MAML3: variants seen among roughly 807,000 people sequenced by gnomAD.
The protein encoded by MAML3 is mastermind like transcriptional coactivator 3.
Under a neutral mutation model 101.9 loss-of-function variants are expected in MAML3, and 27 were observed. The ratio of observed to expected loss-of-function variants is 0.27; its 90% CI spans 0.20 to 0.37. The LOEUF (loss-of-function observed/expected upper bound fraction) is 0.37, where lower values mean the gene tolerates loss of function less well. Among genes scored for constraint, MAML3 ranks in the 10% least tolerant of loss-of-function variants. The pLI is 1.00. For missense variants in MAML3, 1,316 were observed against 1,444.9 expected (o/e 0.91, Z 1.45); for synonymous variants, 501 against 555.9 (o/e 0.90, Z 1.39).
intron 2 of MAML3, among the ~76,000 whole-genome samples, chr4:139,752,526 G>T (rs1255195892): frequency 6.6e-6 from 1 of 152,184 alleles, no homozygotes; most frequent in Non-Finnish European, 1.5e-5. Flanking sequence ...GGGTCAAAAA[G>T]AGGATGGCTG....
chr4:139,993,855 A>G (rs937359735), intron 1 of MAML3, among the ~76,000 whole-genome samples: 1 of 152,162 alleles, frequency 6.6e-6, no homozygotes, highest in Non-Finnish European at 1.5e-5. Flanking sequence ...TAATTTTTAT[A>G]AAGTCCAACT....
intron 1 of MAML3, among the ~76,000 whole-genome samples, chr4:140,053,912 G>C (rs570508713): frequency 6.6e-5 from 10 of 152,280 alleles, no homozygotes; most frequent in Admixed American, 6.5e-4. Flanking sequence ...ACATCAGGCA[G>C]GCTAGGGTTT....
intron 2 of MAML3, among the ~76,000 whole-genome samples, chr4:139,865,501 T>TTTTG (rs1560818447): frequency 1.7e-3 from 230 of 135,696 alleles, no homozygotes; most frequent in African/African-American, 5.5e-3. Flanking sequence ...TTTTTGTTTT[T>TTTTG]TTTTTTTTTC....
chr4:140,027,911 T>C (rs1373878594), intron 1 of MAML3, among the ~76,000 whole-genome samples: 1 of 152,242 alleles, frequency 6.6e-6, no homozygotes, highest in Non-Finnish European at 1.5e-5. Context: ...ATTAAGTTGG[T>C]ATAACATGAA....
At chr4:140,067,260 A>G (rs1227551914) in intron 1 of MAML3, among the ~76,000 whole-genome samples, 1 of 152,032 alleles carries the variant, frequency 6.6e-6, no homozygotes, top group Non-Finnish European at 1.5e-5. Context: ...AATAAGAAAG[A>G]AGAGACATAG....
rs114708048 is a variant in MAML3, at chr4:139,943,337, A to G, written c.469-52370T>C. 8.3e-3 allele frequency among the ~76,000 whole-genome samples: 1,271 copies of G among 152,330 alleles called. 9 individuals are homozygous for G. The highest frequency in any genetic ancestry group is 0.013 in the Non-Finnish European group (862 of 68,042). Reference sequence around the variant, plus strand: ...CACAGTTGTTGGTGCCTGGAGACAGACTTGAGAGGGGTCACAAGTGGCCAG... The same window carrying G: ...CACAGTTGTTGGTGCCTGGAGACAGGCTTGAGAGGGGTCACAAGTGGCCAG... On this transcript the variant is annotated intron_variant, in intron 1 of 4. Transcript: ENST00000509479.
intron 2 of MAML3, among the ~76,000 whole-genome samples, chr4:139,885,850 G>A (rs1364120850): frequency 7.1e-6 from 1 of 140,408 alleles, no homozygotes; most frequent in Non-Finnish European, 1.5e-5. Flanking sequence ...GGAGAATGGC[G>A]TGAACCCGGG....
chr4:140,061,412 A>G (rs1217981472), intron 1 of MAML3, among the ~76,000 whole-genome samples: 2 of 152,216 alleles, frequency 1.3e-5, no homozygotes, highest in African/African-American at 4.8e-5. Flanking sequence ...GAAGACAGCA[A>G]TCTAGCACAG....
chr4:140,050,872 G>GA lies in MAML3; in HGVS notation c.468+101987dup, dbSNP rs1213536225. Among the ~76,000 whole-genome samples, 7 of 151,812 alleles carry GA rather than the reference G, an allele frequency of 4.6e-5. No individual in the cohort carries two copies. In the South Asian group the frequency reaches 8.3e-4, roughly 18 times the overall value. The stretch of plus-strand genomic sequence containing the variant: ...TTTGATACCCAATGAAGTTATCCTG[G>GA]AAAAAAAATGAAAGTTTTACTCAGT... On this transcript the variant is annotated intron_variant, in intron 1 of 4. Transcript: ENST00000509479.
chr4:139,908,330 G>A (rs1162299467), intron 1 of MAML3, among the ~76,000 whole-genome samples: 1 of 152,166 alleles, frequency 6.6e-6, no homozygotes, highest in Non-Finnish European at 1.5e-5. Context: ...TCTGTATACT[G>A]TGTAGTAAAA....
At chr4:139,787,504 G>A (rs1336265206) in intron 2 of MAML3, among the ~76,000 whole-genome samples, 1 of 152,094 alleles carries the variant, frequency 6.6e-6, no homozygotes, top group Non-Finnish European at 1.5e-5. Flanking sequence ...TAAATCCCAA[G>A]TCTCACTACT....
intron 2 of MAML3, among the ~76,000 whole-genome samples, chr4:139,780,801 T>A (rs1730187378): frequency 6.6e-6 from 1 of 152,046 alleles, no homozygotes; most frequent in African/African-American, 2.4e-5. Context: ...CAGCTAATTT[T>A]GTATTTTTAG....
At chr4:139,756,016 A>G (rs890671275) in intron 2 of MAML3, among the ~76,000 whole-genome samples, 1 of 152,246 alleles carries the variant, frequency 6.6e-6, no homozygotes, top group Non-Finnish European at 1.5e-5. Flanking sequence ...TCTAAGTGTG[A>G]AAGTTAACTC....
At chr4:140,083,266 C>CTT (rs1164389626) in intron 1 of MAML3, among the ~76,000 whole-genome samples, 2 of 152,146 alleles carry the variant, frequency 1.3e-5, no homozygotes, top group East Asian at 3.9e-4. Flanking sequence ...AAACATTTCC[C>CTT]CTATCTTTCC....
At chr4:140,058,135 T>C (rs1727384048) in intron 1 of MAML3, among the ~76,000 whole-genome samples, 1 of 152,186 alleles carries the variant, frequency 6.6e-6, no homozygotes, top group African/African-American at 2.4e-5. Context: ...AAAGGTACCA[T>C]ACCCTTTCAA....
At chr4:140,056,225 G>A (rs1430727028) in intron 1 of MAML3, among the ~76,000 whole-genome samples, 1 of 152,192 alleles carries the variant, frequency 6.6e-6, no homozygotes, top group Non-Finnish European at 1.5e-5. Flanking sequence ...GGTGTTCAGA[G>A]TAAGAAATCA....
Position 139,904,425 on chromosome 4 carries a change from C to T in MAML3, c.469-13458G>A, listed in dbSNP as rs193239532. ...GGTTCTGTATCAGCAAGTAGGGACA[C>T]GCTACTGAACAAAAGCCAATCTCTT... is the stretch of plus-strand genomic sequence containing the variant. On this transcript the variant is annotated intron_variant, in intron 1 of 4. Transcript: ENST00000509479. Among the ~76,000 whole-genome samples, 47 of 152,286 alleles carry T rather than the reference C, an allele frequency of 3.1e-4. No individual in the cohort carries two copies. The Middle Eastern group carries it at 0.01, about 33-fold the overall frequency.
intron 1 of MAML3, among the ~76,000 whole-genome samples, chr4:140,041,892 A>G (rs13141349): frequency 0.51 from 78,079 of 152,052 alleles, 23,461 homozygotes; most frequent in East Asian, 0.95. Context: ...AAACCTTTTA[A>G]TAGAGAAGTT....
At chr4:139,985,366 G>A (rs974574114) in intron 1 of MAML3, among the ~76,000 whole-genome samples, 2 of 152,214 alleles carry the variant, frequency 1.3e-5, no homozygotes, top group East Asian at 1.9e-4. Context: ...AGTTCTGGAG[G>A]AGGAATGCTC....
Sources: gnomAD v4.1 joint callset for allele counts (sites outside exome capture counted in the v4.1 genomes callset) on GRCh38, gnomAD v4.1.1 for gene constraint, MANE v1.5 for transcripts, NCBI Gene and HGNC (gene_info 2026-07-23, HGNC 2026-07-21) for gene names.